Variants in FRMPD2 observed in about 807,000 individuals in gnomAD.
FRMPD2 encodes FERM and PDZ domain-containing protein 2.
In FRMPD2, 96 loss-of-function variants were observed where a neutral mutation model predicts 140.1. The observed-to-expected ratio is 0.69, with a 90% confidence interval of 0.58 to 0.81. The LOEUF is 0.81. FRMPD2 is among the 40% of genes least tolerant of loss of function. The probability of loss-of-function intolerance (pLI) is 0.00; values close to 1 mark genes in which losing one functional copy is unlikely to be tolerated. For synonymous variants in FRMPD2, 449 were observed against 547.6 expected (o/e 0.82, Z 2.52); for missense variants, 1,240 against 1,447.4 (o/e 0.86, Z 2.32).
In FRMPD2 at chr10:48,242,250, C is replaced by A. The variant is rs566111215; in HGVS notation, c.478G>T (p.Val160Phe). The change falls in exon 5 of 29, where the codon GTT becomes TTT. Residue 160 changes from valine (V) to phenylalanine (F), a missense_variant. Transcript: ENST00000374201. ...TAGACAGACACTTCTTTCTCATGAACCCGACAAGCTTCCAGAACCGACTGC... is the reference window on the plus strand; with the variant it reads ...TAGACAGACACTTCTTTCTCATGAAACCGACAAGCTTCCAGAACCGACTGC... ...TLQSVLEACR[V>F]HEKEVSVYPA... The A allele has an allele frequency of 4.5e-5, 73 of 1,614,170 alleles. No individual in the cohort carries two copies. Among genetic ancestry groups the A allele is most frequent in the East Asian group, 8.9e-5 (4 of 44,878 alleles).
intron 16 of FRMPD2, among the ~76,000 whole-genome samples, chr10:48,189,015 GGTAGCACAACATCATGAATGGACT>G (rs1838763908): frequency 6.6e-6 from 1 of 152,102 alleles, no homozygotes; most frequent in Non-Finnish European, 1.5e-5. Flanking sequence ...CTTTCGTGAT[GGTAGCACAACATCATGAATGGACT>G]GCGTGCTACT....
At chr10:48,229,543 A>G (rs1839801069) in intron 10 of FRMPD2, among the ~76,000 whole-genome samples, 1 of 152,192 alleles carries the variant, frequency 6.6e-6, no homozygotes. Context: ...CAATATGTTA[A>G]AATGCATGGG....
chr10:48,200,164 A>G lies in FRMPD2; in HGVS notation c.1954+1064T>C, dbSNP rs943557503. Among the ~76,000 whole-genome samples, 754 of 130,950 alleles carry G rather than the reference A, an allele frequency of 5.8e-3. 10 individuals carry two copies. The highest frequency in any genetic ancestry group is 0.024 in the African/African-American group (716 of 29,386). 85.9% of individuals were successfully genotyped at this position (130,950 alleles called of 152,430 possible). On this transcript the variant is annotated intron_variant, in intron 15 of 28. Transcript: ENST00000374201. The stretch of plus-strand genomic sequence containing the variant: ...AAAGCTAAAAAATATAAATAAATAA[A>G]TAAATAAATAAATAAATAAATAAAT...
chr10:48,244,987 C>T (rs1386617026), intron 3 of FRMPD2, 138 bp from the exon 4 acceptor site: 4 of 650,274 alleles, frequency 6.2e-6, no homozygotes, highest in South Asian at 3.9e-5. Flanking sequence ...ACTCCCTTAA[C>T]CCTTGTTACC....
intron 24 of FRMPD2, among the ~76,000 whole-genome samples, chr10:48,174,663 C>T (rs1368338818): frequency 6.6e-6 from 1 of 150,876 alleles, no homozygotes; most frequent in Non-Finnish European, 1.5e-5. Flanking sequence ...ATTTTTTTTA[C>T]TCAGAAACAT....
At chr10:48,172,208 G>A (rs1178943473) in intron 25 of FRMPD2, among the ~76,000 whole-genome samples, 1 of 134,932 alleles carries the variant, frequency 7.4e-6, no homozygotes, top group Non-Finnish European at 1.6e-5. Context: ...TCCACTCTTT[G>A]GAGTCCATTT....
chr10:48,243,154 C>T (rs890333236), intron 4 of FRMPD2, among the ~76,000 whole-genome samples: 1 of 152,174 alleles, frequency 6.6e-6, no homozygotes, highest in Non-Finnish European at 1.5e-5. Flanking sequence ...CCTGGTGCTG[C>T]ACAGCCACAC....
chr10:48,200,928 G>A (rs1331881071), intron 15 of FRMPD2, among the ~76,000 whole-genome samples: 1 of 152,214 alleles, frequency 6.6e-6, no homozygotes, highest in Admixed American at 6.5e-5. Flanking sequence ...TAGGATAAAT[G>A]TCTATCTACA....
At chr10:48,220,749 G>A (rs1473127495) in intron 12 of FRMPD2, among the ~76,000 whole-genome samples, 2 of 151,936 alleles carry the variant, frequency 1.3e-5, no homozygotes, top group Non-Finnish European at 1.5e-5. Flanking sequence ...CAAGAAAAAA[G>A]CAAACGATTT....
chr10:48,265,890 G>T (rs561819218), intron 1 of FRMPD2, among the ~76,000 whole-genome samples: 1 of 152,052 alleles, frequency 6.6e-6, no homozygotes, highest in Admixed American at 6.6e-5. Flanking sequence ...AATATAAATC[G>T]TCGTATCATA....
chr10:48,159,626 C>T (rs1214385185), intron 28 of FRMPD2, among the ~76,000 whole-genome samples: 1 of 151,798 alleles, frequency 6.6e-6, no homozygotes, highest in Non-Finnish European at 1.5e-5. Flanking sequence ...GTGCCCTTCC[C>T]CAGAAGGTAT....
At chr10:48,253,765 G>A (rs1002244909) in intron 1 of FRMPD2, among the ~76,000 whole-genome samples, 7 of 151,846 alleles carry the variant, frequency 4.6e-5, no homozygotes, top group African/African-American at 1.7e-4. Flanking sequence ...ATGAAGAAAT[G>A]GGAGCACCCA....
intron 22 of FRMPD2, 70 bp downstream of exon 22, chr10:48,177,977 G>T: frequency 1.5e-6 from 1 of 668,258 alleles, no homozygotes. Flanking sequence ...TGCCATCTGG[G>T]TGGAATGGCC....
intron 1 of FRMPD2, among the ~76,000 whole-genome samples, chr10:48,271,123 A>G (rs1422016793): frequency 2.0e-5 from 3 of 152,162 alleles, no homozygotes; most frequent in Admixed American, 1.3e-4. Context: ...CCTCAGGCCC[A>G]CCGCTTTGGA....
intron 12 of FRMPD2, among the ~76,000 whole-genome samples, chr10:48,219,290 C>A (rs1839526791): frequency 6.6e-6 from 1 of 151,012 alleles, no homozygotes; most frequent in Non-Finnish European, 1.5e-5. Flanking sequence ...TGAAGAAGAC[C>A]ATCTCTTCTC....
rs114145858 is a variant in FRMPD2, at chr10:48,184,573, C to T, written c.2577G>A (p.Gln859=). The T allele has an allele frequency of 9.1e-5, 145 of 1,601,094 alleles. No individual in the cohort carries two copies. The African/African-American group carries it at 1.4e-3, about 15-fold the overall frequency. The change falls in exon 20 of 29, where the codon CAG becomes CAA. Residue 859 remains glutamine (Q), a synonymous_variant. Coordinates refer to ENST00000374201, the MANE Select transcript of FRMPD2 (RefSeq NM_001018071.4). ...SPDNIELIIS[Q]SKGVGGNNPD... ...GAGTGGGTTAAAACATACCTTTTGA[C>T]TGAGAAATAATTAATTCTATGTTGT...
rs186631520 is a variant in FRMPD2 at position 48,237,086 on chromosome 10, A to G, written c.922-533T>C. The stretch of plus-strand genomic sequence containing the variant: ...TCCCCCTGTGGGGTGCATATTCTCA[A>G]CCCATTTTACAGGTGAGGAAGTTGA... On this transcript the variant is annotated intron_variant, in intron 8 of 28. Coordinates refer to ENST00000374201, the MANE Select transcript of FRMPD2 (RefSeq NM_001018071.4). 2.2e-3 allele frequency among the ~76,000 whole-genome samples: 333 copies of G among 151,352 alleles called. 1 individual carries two copies. Among genetic ancestry groups the G allele is most frequent in the African/African-American group, 7.5e-3 (310 of 41,152 alleles).
Position 48,274,549 on chromosome 10 carries a change from C to G in FRMPD2, c.19G>C (p.Asp7His). ...GAATGATGCCAAGGAATACCTGCGT[C>G]CTTCGTTAAAGGCTGCATCCAAAAG... MQPLTK[D>H]AGMSLSSVTL... Residue 7 changes from aspartate to histidine, a missense_variant, in exon 1 of 29, where the codon GAC (aspartate) becomes CAC (histidine). By Grantham distance (81) the Asp-to-His change is moderately conservative. Coordinates refer to ENST00000374201, the MANE Select transcript of FRMPD2 (RefSeq NM_001018071.4). 1 of 1,614,144 alleles carries G rather than the reference C, an allele frequency of 6.2e-7. No homozygotes were observed. The highest frequency in any genetic ancestry group is 1.1e-5 in the South Asian group (1 of 91,074).
intron 1 of FRMPD2, among the ~76,000 whole-genome samples, chr10:48,254,340 G>A (rs140237853): frequency 1.2e-3 from 183 of 152,316 alleles, no homozygotes; most frequent in Middle Eastern, 0.01. Flanking sequence ...GATTTGTATC[G>A]CTGCTAGGCA....
Sources: allele counts gnomAD v4.1 joint callset (sites outside exome capture counted in the v4.1 genomes callset), GRCh38; gene constraint gnomAD v4.1.1; transcripts MANE v1.5; gene names NCBI Gene and HGNC (gene_info 2026-07-23, HGNC 2026-07-21).